The following TOGARAM2 variants were observed in gnomAD, a reference collection of about 807,000 sequenced individuals.
The protein encoded by TOGARAM2 is TOG array regulator of axonemal microtubules protein 2.
Under a neutral mutation model 93.3 loss-of-function variants are expected in TOGARAM2, and 85 were observed. The observed-to-expected ratio is 0.91, with a 90% CI of 0.76 to 1.09. TOGARAM2 has a LOEUF of 1.09. Among genes scored for constraint, TOGARAM2 ranks in the 50% least tolerant of loss-of-function variants. TOGARAM2 has a pLI of 0.00. For missense variants in TOGARAM2, 1,277 were observed against 1,334.5 expected, an observed-to-expected ratio of 0.96 and a Z score of 0.67; for synonymous variants, 593 against 552.8, an observed-to-expected ratio of 1.07 and a Z score of -1.02.
At chr2:29,002,062 G>A (rs955439981) in intron 4 of TOGARAM2, among the ~76,000 whole-genome samples, 2 of 152,084 alleles carry the variant, frequency 1.3e-5, no homozygotes, top group African/African-American at 4.8e-5. Context: ...CTTAGACTAT[G>A]TTAGCTGTGT....
Position 28,999,216 on chromosome 2 carries a change from A to G in TOGARAM2, c.175A>G (p.Asn59Asp), listed in dbSNP as rs1161215830. ...GCCTGAGCCAAGAGCCCTGCTGAAC[A>G]ACGAGGAACCGTCACAGCTCCTGCG... ...LQPEPRALLN[N>D]EEPSQLLRGL... Residue 59 changes from asparagine (N) to aspartate (D), a missense_variant, in exon 4 of 20, where the codon AAC becomes GAC. Physicochemically the swap from Asn to Asp is conservative, Grantham distance 23 (BLOSUM62 1). Transcript: ENST00000379558. 6.2e-7 allele frequency: 1 copy of G among 1,613,782 alleles called. No homozygotes were observed. Among genetic ancestry groups the G allele is most frequent in the Admixed American group, 1.7e-5 (1 of 59,998 alleles).
chr2:28,990,448 T>A (rs913126924), intron 1 of TOGARAM2, among the ~76,000 whole-genome samples: 10 of 151,970 alleles, frequency 6.6e-5, no homozygotes, highest in Admixed American at 2.0e-4. Flanking sequence ...GCATTCTGGG[T>A]CTCCCCCGAT....
chr2:29,018,044 G>T, intron 10 of TOGARAM2, 88 bp downstream of exon 10: 2 of 1,421,458 alleles, frequency 1.4e-6, no homozygotes, highest in Admixed American at 2.6e-5. Flanking sequence ...GACCTCGGTG[G>T]CTTTGCTTCC....
At chr2:28,957,414 C>T (rs1289619603) in intron 1 of TOGARAM2, among the ~76,000 whole-genome samples, 1 of 152,142 alleles carries the variant, frequency 6.6e-6, no homozygotes, top group African/African-American at 2.4e-5. Flanking sequence ...CTCCTGACCT[C>T]AGGTGATCCG....
chr2:29,008,162 A>AT (rs1347379071), intron 6 of TOGARAM2, among the ~76,000 whole-genome samples: 7 of 151,924 alleles, frequency 4.6e-5, no homozygotes, highest in Admixed American at 3.9e-4. Context: ...TATTGTTATT[A>AT]TTTTTTGAGA....
chr2:29,003,239 T>C (rs1673412030), intron 5 of TOGARAM2, among the ~76,000 whole-genome samples: 1 of 152,238 alleles, frequency 6.6e-6, no homozygotes, highest in Non-Finnish European at 1.5e-5. Context: ...CCAGATGTGT[T>C]TGAAGGTCCT....
In TOGARAM2 at chr2:29,022,175, G is replaced by A. The variant is rs765466718; in HGVS notation, c.1378G>A (p.Val460Met). 2 of 1,614,048 alleles carry A rather than the reference G, an allele frequency of 1.2e-6. No individual in the cohort carries two copies. Among genetic ancestry groups the A allele is most frequent in the South Asian group, 2.2e-5 (2 of 91,090 alleles). Residue 460 changes from valine to methionine, a missense_variant, in exon 11 of 20, where the codon GTG (valine) becomes ATG (methionine). By Grantham distance (21) the Val-to-Met change is conservative. Transcript: ENST00000379558. ...GAATGCAGCTAACTCATTACCTGCGGTGCTCACGTTGGGGTCTCCTGAATG... is the reference window on the plus strand; with the variant it reads ...GAATGCAGCTAACTCATTACCTGCGATGCTCACGTTGGGGTCTCCTGAATG... ...RHASANSLPA[V>M]LTLGSPEWEE... is the part of the protein sequence containing the mutation.
chr2:28,983,177 A>AATATATAAATAT (rs1553334841), intron 1 of TOGARAM2, among the ~76,000 whole-genome samples: 180 of 32,280 alleles, frequency 5.6e-3, no homozygotes, highest in East Asian at 0.013. Flanking sequence ...TGTATATATA[A>AATATATAAATAT]ATATATATAT....
chr2:28,968,365 G>A (rs1462213860), intron 1 of TOGARAM2, among the ~76,000 whole-genome samples: 1 of 151,990 alleles, frequency 6.6e-6, no homozygotes, highest in Non-Finnish European at 1.5e-5. Context: ...CTAGATTCAT[G>A]GGTATGTTCT....
At chr2:28,974,660 C>T (rs1008858197) in intron 1 of TOGARAM2, among the ~76,000 whole-genome samples, 1 of 152,204 alleles carries the variant, frequency 6.6e-6, no homozygotes, top group Non-Finnish European at 1.5e-5. Context: ...GTCACCCAGG[C>T]TGGGGTGCAG....
At chr2:29,026,831 CT>C in intron 13 of TOGARAM2, 21 bp from the exon 14 acceptor site, 3 of 1,566,952 alleles carry the variant, frequency 1.9e-6, no homozygotes, top group Non-Finnish European at 1.7e-6. Context: ...AGACTGACCC[CT>C]GGGCCATGAT....
chr2:28,995,000 T>G, intron 2 of TOGARAM2, 138 bp downstream of exon 2: 1 of 1,080,596 alleles, frequency 9.3e-7, no homozygotes. Context: ...GCCGTGCCTT[T>G]CCAGCCCTGG....
rs893477441 is a variant in TOGARAM2, at chr2:28,981,417, G to A, written c.-232G>A. The A allele has an allele frequency of 3.9e-5, 6 of 152,428 alleles. No individual in the cohort carries two copies. Among genetic ancestry groups the A allele is most frequent in the Non-Finnish European group, 1.5e-5 (1 of 68,208 alleles). The allele number at this position is 152,428 out of a possible 1,614,324, so 9.4% of individuals were successfully genotyped here. On this transcript the variant is annotated 5_prime_UTR_variant, in exon 1 of 20. Transcript: ENST00000379558. ...GGACTGTGTGGCTGGTGGGGGCCAG[G>A]GTGGGCCAGGCCTGGGGCTGCCCCG...
chr2:29,049,558 A>G (rs1666952826), intron 19 of TOGARAM2: 1 of 152,082 alleles, frequency 6.6e-6, no homozygotes, highest in Non-Finnish European at 1.5e-5. Context: ...GTTCCCTCTC[A>G]CTGTCCCCCT....
chr2:29,025,254 A>G (rs1308475785), intron 13 of TOGARAM2, among the ~76,000 whole-genome samples: 17 of 152,112 alleles, frequency 1.1e-4, no homozygotes, highest in Non-Finnish European at 2.5e-4. Context: ...TGGAGATAAT[A>G]ATGGTGTCTA....
chr2:28,999,155 G>A (rs200955570), intron 3 of TOGARAM2, 26 bp from the exon 4 acceptor site: 15 of 1,583,198 alleles, frequency 9.5e-6, no homozygotes, highest in Non-Finnish European at 5.2e-6. Context: ...TGCGTGCCAA[G>A]CCATTCACAC....
intron 6 of TOGARAM2, among the ~76,000 whole-genome samples, chr2:29,006,477 T>A (rs1663878429): frequency 1.3e-5 from 2 of 151,920 alleles, no homozygotes; most frequent in African/African-American, 4.8e-5. Context: ...TGTGTATGTG[T>A]GAGTGCATGT....
rs202000034 is a variant in TOGARAM2, at chr2:29,035,553, G to A, written c.2315G>A (p.Arg772Gln). Residue 772 changes from arginine to glutamine, a missense_variant, in exon 17 of 20, where the codon CGG becomes CAG. Physicochemically the swap from Arg to Gln is conservative, Grantham distance 43. Transcript: ENST00000379558. ...GTGGAGCAGCTACGGGAGCTGACAC[G>A]GCTGCTGGAGGCCAAGGACTTCCGG... is the stretch of plus-strand genomic sequence containing the variant. The part of the protein sequence containing the change: ...EMVEQLRELT[R>Q]LLEAKDFRSR... The A allele has an allele frequency of 2.1e-5, 34 of 1,586,342 alleles. No homozygotes were observed. The East Asian group carries it at 3.7e-4, about 17-fold the overall frequency.
At chr2:28,973,197 G>A (rs1426771976) in intron 1 of TOGARAM2, among the ~76,000 whole-genome samples, 1 of 152,132 alleles carries the variant, frequency 6.6e-6, no homozygotes, top group African/African-American at 2.4e-5. Flanking sequence ...TTTCCCTGCA[G>A]GGCCTGGAGC....
Sources: gnomAD v4.1 joint callset for allele counts (sites outside exome capture counted in the v4.1 genomes callset) on GRCh38, gnomAD v4.1.1 for gene constraint, MANE v1.5 for transcripts, NCBI Gene and HGNC (gene_info 2026-07-23, HGNC 2026-07-21) for gene names.